The following PRRX2 variants were observed in gnomAD, a reference collection of about 807,000 sequenced individuals.
The protein encoded by PRRX2 is paired mesoderm homeobox protein 2.
A neutral mutation model predicts 18.0 loss-of-function variants in PRRX2; 11 were observed. The ratio of observed to expected loss-of-function variants is 0.61; its 90% CI spans 0.39 to 1.01. PRRX2 has a LOEUF of 1.01. PRRX2 is among the 50% of genes least tolerant of loss of function. PRRX2 has a pLI of 0.01. For missense variants in PRRX2, 387 were observed against 351.0 expected (o/e 1.10, Z -0.82); for synonymous variants, 177 against 154.8 (o/e 1.14, Z -1.06).
rs1208655568 is a variant in PRRX2 at position 129,715,747 on chromosome 9, TTCTCACACACACACACAC to T, written c.260-3483_260-3466del. Reference sequence around the variant, plus strand: ...TCCAAACCCAGCTTCAGGGACATCTTTCTCACACACACACACACACACACACACACACACACACACACA... The same window carrying T: ...TCCAAACCCAGCTTCAGGGACATCTTACACACACACACACACACACACACA... On this transcript the variant is annotated intron_variant, in intron 1 of 3. Coordinates refer to ENST00000372469, the MANE Select transcript of PRRX2 (RefSeq NM_016307.4). The surrounding 1 kb of genome is among the most constrained non-coding windows in gnomAD (Gnocchi z 4.0). Among the ~76,000 whole-genome samples, 1 of 112,684 alleles carries T rather than the reference TTCTCACACACACACACAC, an allele frequency of 8.9e-6. No individual in the cohort carries two copies. Among genetic ancestry groups the T allele is most frequent in the Non-Finnish European group, 1.9e-5 (1 of 52,620 alleles). 73.9% of individuals were successfully genotyped at this position (112,684 alleles called of 152,430 possible).
chr9:129,667,643 C>T (rs759854519), intron 1 of PRRX2, among the ~76,000 whole-genome samples: 5 of 152,040 alleles, frequency 3.3e-5, no homozygotes, highest in Non-Finnish European at 7.4e-5. Flanking sequence ...CAGGGTGTCT[C>T]GTACTCCAGT....
chr9:129,720,305 C>G (rs141842024), intron 2 of PRRX2, among the ~76,000 whole-genome samples: 115 of 151,908 alleles, frequency 7.6e-4, no homozygotes, highest in African/African-American at 2.6e-3. Flanking sequence ...AGCGCCTTTC[C>G]CCGCGAGTGC....
At chr9:129,672,763 C>T (rs528269076) in intron 1 of PRRX2, among the ~76,000 whole-genome samples, 32 of 152,250 alleles carry the variant, frequency 2.1e-4, no homozygotes, top group Non-Finnish European at 3.7e-4. Flanking sequence ...ATAACCGGAA[C>T]GGCCTCCCTC....
intron 1 of PRRX2, among the ~76,000 whole-genome samples, chr9:129,674,628 G>C (rs905935291): frequency 4.6e-5 from 7 of 152,144 alleles, no homozygotes; most frequent in African/African-American, 1.4e-4. Flanking sequence ...CCAGAGCTGA[G>C]CGAACACCTC....
In PRRX2 at chr9:129,665,924, G is replaced by C; in HGVS notation, c.57G>C (p.Pro19=). Reference sequence around the variant, plus strand: ...ACAAGCCGGCGCTGGGCCCGGGGCCGCCGCCGCCTCCACCCGCGCTGGGGC... The same window carrying C: ...ACAAGCCGGCGCTGGGCCCGGGGCCCCCGCCGCCTCCACCCGCGCTGGGGC... ...ALDKPALGPG[P]PPPPPALGPG... The change falls in exon 1 of 4, where the codon CCG becomes CCC. Residue 19 remains proline, a synonymous_variant. Coordinates refer to ENST00000372469, the MANE Select transcript of PRRX2 (RefSeq NM_016307.4). The surrounding 1 kb of genome is among the most constrained non-coding windows in gnomAD (Gnocchi z 5.3). 1 of 1,114,524 alleles carries C rather than the reference G, an allele frequency of 9.0e-7. No individual in the cohort carries two copies. Among genetic ancestry groups the C allele is most frequent in the Non-Finnish European group, 1.1e-6 (1 of 913,790 alleles). 69.0% of individuals were successfully genotyped at this position (1,114,524 alleles called of 1,614,324 possible).
intron 1 of PRRX2, among the ~76,000 whole-genome samples, chr9:129,672,025 G>A (rs771588112): frequency 2.0e-5 from 3 of 152,262 alleles, no homozygotes; most frequent in Admixed American, 1.3e-4. Context: ...GAAGGTTTGC[G>A]GTGGCTTGTC....
At chr9:129,708,682 C>CT (rs1465927064) in intron 1 of PRRX2, among the ~76,000 whole-genome samples, 3 of 152,140 alleles carry the variant, frequency 2.0e-5, no homozygotes, top group African/African-American at 4.8e-5. Context: ...TTCCATTTAT[C>CT]TTTTTTTCTG....
At chr9:129,690,261 C>T (rs577308824) in intron 1 of PRRX2, among the ~76,000 whole-genome samples, 1 of 152,320 alleles carries the variant, frequency 6.6e-6, no homozygotes, top group East Asian at 1.9e-4. Context: ...TTTTCTCCAA[C>T]ATGACTTTTC....
At chr9:129,682,924 G>A (rs1281936473) in intron 1 of PRRX2, among the ~76,000 whole-genome samples, 2 of 125,472 alleles carry the variant, frequency 1.6e-5, no homozygotes, top group African/African-American at 5.4e-5. Context: ...GACCAACATG[G>A]TGAACCCCCC....
At chr9:129,668,778 C>CAAAAAAAAAAAAAAAAAAA (rs562855941) in intron 1 of PRRX2, among the ~76,000 whole-genome samples, 1 of 58,656 alleles carries the variant, frequency 1.7e-5, no homozygotes, top group Non-Finnish European at 3.5e-5. Context: ...GACTCCATCT[C>CAAAAAAAAAAAAAAAAAAA]AAAAAAAAAA....
intron 1 of PRRX2, among the ~76,000 whole-genome samples, chr9:129,680,416 AG>A (rs201000975): frequency 0.22 from 26,268 of 119,180 alleles, 3,568 homozygotes; most frequent in African/African-American, 0.26. Flanking sequence ...AAAAAAAAAA[AG>A]AAAAGAAAAG....
intron 1 of PRRX2, among the ~76,000 whole-genome samples, chr9:129,698,689 C>T (rs559820772): frequency 1.3e-5 from 2 of 152,276 alleles, no homozygotes; most frequent in East Asian, 3.9e-4. Flanking sequence ...GACGCCCCCT[C>T]ACGTCACTAC....
At chr9:129,666,574 C>CCG (rs1832027774) in intron 1 of PRRX2, among the ~76,000 whole-genome samples, 4 of 140,454 alleles carry the variant, frequency 2.8e-5, no homozygotes, top group African/African-American at 1.1e-4. Flanking sequence ...CCTGCCCACC[C>CCG]CCCCCCACCC....
At position 129,720,720 on chromosome 9, in the gene PRRX2, G is replaced by A. The variant is rs1188551465; in HGVS notation, c.572G>A (p.Arg191Gln). The A allele has an allele frequency of 2.5e-6, 4 of 1,612,370 alleles. No homozygotes were observed. The highest frequency in any genetic ancestry group is 2.5e-6 in the Non-Finnish European group (3 of 1,179,458). ...GCCATCGAGCAGCCCGTGGCTCCCC[G>A]GCCCACCGCCCTGAGTCCAGATTAT... ...EAAIEQPVAP[R>Q]PTALSPDYLS... The change falls in exon 3 of 4, where the codon CGG becomes CAG. Residue 191 changes from arginine to glutamine, a missense_variant. Coordinates refer to ENST00000372469, the MANE Select transcript of PRRX2 (RefSeq NM_016307.4).
rs917410334 is a variant in PRRX2 at position 129,715,762 on chromosome 9, A to T, written c.260-3469A>T. On this transcript the variant is annotated intron_variant, in intron 1 of 3. Transcript: ENST00000372469. The surrounding 1 kb of genome is among the most constrained non-coding windows in gnomAD (Gnocchi z 4.0). ...AGGGACATCTTTCTCACACACACACACACACACACACACACACACACACAC... is the reference window on the plus strand; with the variant it reads ...AGGGACATCTTTCTCACACACACACTCACACACACACACACACACACACAC... Among the ~76,000 whole-genome samples, 59 of 143,588 alleles carry T rather than the reference A, an allele frequency of 4.1e-4. No individual in the cohort carries two copies. The highest frequency in any genetic ancestry group is 1.2e-3 in the African/African-American group (46 of 37,218). The allele number at this position is 143,588 out of a possible 152,430, so 94.2% of individuals were successfully genotyped here.
chr9:129,681,881 C>T (rs1588164130), intron 1 of PRRX2, among the ~76,000 whole-genome samples: 1 of 152,296 alleles, frequency 6.6e-6, no homozygotes, highest in East Asian at 1.9e-4. Flanking sequence ...GTTCTGGAGG[C>T]TTCTGGGCTC....
chr9:129,684,284 C>T (rs750866603), intron 1 of PRRX2, among the ~76,000 whole-genome samples: 42 of 152,038 alleles, frequency 2.8e-4, no homozygotes, highest in Non-Finnish European at 5.1e-4. Context: ...TATTTATTAG[C>T]CTAATTTAGA....
rs894419 is a variant in PRRX2, at chr9:129,695,928, A to G, written c.260-23303A>G. The stretch of plus-strand genomic sequence containing the variant: ...CACTCTTCTCCCATTTTAAGGGTGA[A>G]CATGGCACTTTGATGTGGCCCCATT... On this transcript the variant is annotated intron_variant, in intron 1 of 3. Transcript: ENST00000372469. The surrounding 1 kb of genome is among the most constrained non-coding windows in gnomAD (Gnocchi z 4.8). Among the ~76,000 whole-genome samples, 7,618 of 152,302 alleles carry G rather than the reference A, an allele frequency of 0.05. 458 individuals are homozygous for G. Among genetic ancestry groups the G allele is most frequent in the East Asian group, 0.35 (1,824 of 5,170 alleles).
At chr9:129,701,399 T>C (rs1017837427) in intron 1 of PRRX2, among the ~76,000 whole-genome samples, 2 of 152,214 alleles carry the variant, frequency 1.3e-5, no homozygotes, top group African/African-American at 4.8e-5. Flanking sequence ...ACTTTAGGTG[T>C]TGCTGTTCCC....
Sources: gnomAD v4.1 joint callset for allele counts (sites outside exome capture counted in the v4.1 genomes callset) on GRCh38, gnomAD v4.1.1 for gene constraint, Gnocchi (gnomAD v3.1) non-coding constraint, MANE v1.5 for transcripts, NCBI Gene and HGNC (gene_info 2026-07-23, HGNC 2026-07-21) for gene names.